The following CAMK1D variants were observed in gnomAD, a reference collection of about 807,000 sequenced individuals.
CAMK1D encodes the protein calcium/calmodulin-dependent protein kinase type 1D.
Under a neutral mutation model 47.7 loss-of-function variants are expected in CAMK1D, and 9 were observed. The ratio of observed to expected loss-of-function variants is 0.19; its 90% confidence interval spans 0.11 to 0.33. The LOEUF is 0.33. Among genes scored for constraint, CAMK1D ranks in the 10% least tolerant of loss-of-function variants. The pLI is 1.00. For synonymous variants in CAMK1D, 184 were observed against 184.9 expected (o/e 0.99, Z 0.04); for missense variants, 291 against 488.7 (o/e 0.60, Z 3.81).
At chr10:12,373,377 A>G (rs1376274487) in intron 1 of CAMK1D, among the ~76,000 whole-genome samples, 1 of 152,118 alleles carries the variant, frequency 6.6e-6, no homozygotes, top group Non-Finnish European at 1.5e-5. Flanking sequence ...CACGCCTGTA[A>G]TCCCAGCACT....
chr10:12,530,343 C>T (rs1835765635), intron 1 of CAMK1D, among the ~76,000 whole-genome samples: 1 of 152,204 alleles, frequency 6.6e-6, no homozygotes, highest in Non-Finnish European at 1.5e-5. Flanking sequence ...TGAATTATCT[C>T]AGTGTTGTAA....
chr10:12,636,404 C>T (rs1347418739), intron 2 of CAMK1D, among the ~76,000 whole-genome samples: 2 of 152,122 alleles, frequency 1.3e-5, no homozygotes, highest in East Asian at 1.9e-4. Flanking sequence ...CATAGCTCAC[C>T]GCAGCCTTGA....
chr10:12,653,589 C>G (rs1278016199), intron 2 of CAMK1D, among the ~76,000 whole-genome samples: 1 of 152,192 alleles, frequency 6.6e-6, no homozygotes, highest in Non-Finnish European at 1.5e-5. Flanking sequence ...ACACTCAATT[C>G]TGCACCATCA....
chr10:12,631,380 A>C (rs1419549625), intron 2 of CAMK1D, among the ~76,000 whole-genome samples: 1 of 152,248 alleles, frequency 6.6e-6, no homozygotes, highest in Non-Finnish European at 1.5e-5. Context: ...CCCATAGTGC[A>C]TGCCATTCCT....
intron 1 of CAMK1D, among the ~76,000 whole-genome samples, chr10:12,532,349 G>T (rs989686888): frequency 6.7e-6 from 1 of 150,158 alleles, no homozygotes; most frequent in Non-Finnish European, 1.5e-5. Context: ...GCGGGATCTC[G>T]GCTCACTGCA....
At chr10:12,734,346 ATAT>A (rs1438357087) in intron 3 of CAMK1D, among the ~76,000 whole-genome samples, 2 of 4,578 alleles carry the variant, frequency 4.4e-4, no homozygotes, top group South Asian at 0.012. Flanking sequence ...AAAAAAAAAA[ATAT>A]ATATATATAT....
At chr10:12,586,486 A>C (rs1176993253) in intron 2 of CAMK1D, among the ~76,000 whole-genome samples, 2 of 149,640 alleles carry the variant, frequency 1.3e-5, no homozygotes, top group African/African-American at 4.9e-5. Flanking sequence ...TGAAGAAGGG[A>C]GATAGATGCA....
At chr10:12,372,665 C>T (rs1363798136) in intron 1 of CAMK1D, among the ~76,000 whole-genome samples, 1 of 152,186 alleles carries the variant, frequency 6.6e-6, no homozygotes, top group African/African-American at 2.4e-5. Context: ...GTCATTCAGG[C>T]TGGATCATGG....
intron 2 of CAMK1D, among the ~76,000 whole-genome samples, chr10:12,628,316 G>A (rs1839283572): frequency 1.3e-5 from 2 of 152,134 alleles, no homozygotes; most frequent in African/African-American, 4.8e-5. Flanking sequence ...GATAGTTTTA[G>A]TTGCTCATTA....
At chr10:12,710,639 C>A (rs11817741) in intron 3 of CAMK1D, among the ~76,000 whole-genome samples, 14,021 of 152,148 alleles carry the variant, frequency 0.092, 1,970 homozygotes, top group African/African-American at 0.3. Flanking sequence ...AGCTTGGATT[C>A]AGCCACCTGC....
chr10:12,738,865 A>T (rs1356390708), intron 3 of CAMK1D, among the ~76,000 whole-genome samples: 1 of 152,100 alleles, frequency 6.6e-6, no homozygotes, highest in African/African-American at 2.4e-5. Context: ...AAATTATTCT[A>T]TAACCACACG....
intron 5 of CAMK1D, among the ~76,000 whole-genome samples, chr10:12,785,571 C>A (rs865885721): frequency 1.6e-4 from 25 of 152,162 alleles, no homozygotes; most frequent in Non-Finnish European, 2.6e-4. Context: ...AGTTCAGAGC[C>A]CTCATCACTT....
At chr10:12,526,756 A>G (rs767349628) in intron 1 of CAMK1D, among the ~76,000 whole-genome samples, 6 of 152,080 alleles carry the variant, frequency 3.9e-5, no homozygotes, top group Non-Finnish European at 7.4e-5. Flanking sequence ...CATCTTTACT[A>G]AAAATACAAA....
intron 8 of CAMK1D, among the ~76,000 whole-genome samples, chr10:12,822,136 T>C (rs1833036470): frequency 6.6e-6 from 1 of 152,208 alleles, no homozygotes; most frequent in South Asian, 2.1e-4. Context: ...CCTCTGGTTT[T>C]GTTGGCGAAG....
chr10:12,669,168 G>T (rs1840527188), intron 3 of CAMK1D, among the ~76,000 whole-genome samples: 1 of 152,088 alleles, frequency 6.6e-6, no homozygotes, highest in African/African-American at 2.4e-5. Flanking sequence ...GGAGGTGGAG[G>T]TTGCAATGAG....
chr10:12,791,890 C>G (rs1476789229), intron 6 of CAMK1D, among the ~76,000 whole-genome samples: 1 of 152,136 alleles, frequency 6.6e-6, no homozygotes, highest in African/African-American at 2.4e-5. Flanking sequence ...GAGTAGCCAC[C>G]ATGCAGTTTT....
chr10:12,385,933 A>G (rs1222228438), intron 1 of CAMK1D, among the ~76,000 whole-genome samples: 3 of 151,736 alleles, frequency 2.0e-5, no homozygotes, highest in Non-Finnish European at 4.4e-5. Context: ...TTTAGTAGAA[A>G]CTGGGTTTCA....
rs957782438 is a variant in CAMK1D, at chr10:12,484,439, C to A, written c.93-68786C>A. ...TTTAAACAGGGATCACACAATCGTT[C>A]TTCTGCCTCCTTCCCTGCAGGAAGG... is the stretch of plus-strand genomic sequence containing the variant. On this transcript the variant is annotated intron_variant, in intron 1 of 10. Coordinates refer to ENST00000619168, the MANE Select transcript of CAMK1D (RefSeq NM_153498.4). 4.6e-5 allele frequency among the ~76,000 whole-genome samples: 7 copies of A among 152,246 alleles called. 1 individual carries two copies. Among genetic ancestry groups the A allele is most frequent in the African/African-American group, 1.7e-4 (7 of 41,460 alleles).
chr10:12,738,971 C>T (rs1835300478), intron 3 of CAMK1D, among the ~76,000 whole-genome samples: 1 of 152,078 alleles, frequency 6.6e-6, no homozygotes, highest in Non-Finnish European at 1.5e-5. Flanking sequence ...TGGCTGGGTG[C>T]AGTGATTCAC....
Sources: allele counts gnomAD v4.1 joint callset (sites outside exome capture counted in the v4.1 genomes callset), GRCh38; gene constraint gnomAD v4.1.1; transcripts MANE v1.5; gene names NCBI Gene and HGNC (gene_info 2026-07-23, HGNC 2026-07-21).